GPHN: variants seen among roughly 807,000 people sequenced by gnomAD.
GPHN encodes gephyrin.
A neutral mutation model predicts 95.5 loss-of-function variants in GPHN; 17 were observed. The ratio of observed to expected loss-of-function variants is 0.18; its 90% CI spans 0.12 to 0.27. GPHN has a LOEUF of 0.27. GPHN is among the 10% of genes least tolerant of loss of function. The pLI, the probability that GPHN is intolerant of heterozygous loss-of-function variation, is 1.00. For missense variants in GPHN, 660 were observed against 978.1 expected, an observed-to-expected ratio of 0.67 and a Z score of 4.34; for synonymous variants, 320 against 322.5, an observed-to-expected ratio of 0.99 and a Z score of 0.08.
chr14:66,567,196 G>A (rs1399709485), intron 1 of GPHN, among the ~76,000 whole-genome samples: 1 of 152,154 alleles, frequency 6.6e-6, no homozygotes, highest in Admixed American at 6.5e-5. Context: ...AGAATTTTGA[G>A]CATATAGAGT....
At chr14:67,391,269 ATATGTGTGTGTGTGTGTGTG>A in the GPHN span, among the ~76,000 whole-genome samples, 1 of 139,568 alleles carries the variant, frequency 7.2e-6, no homozygotes, top group African/African-American at 2.9e-5. Flanking sequence ...TAAGCAGCTG[ATATGTGTGTGTGTGTGTGTG>A]TGTGTGTGTG....
chr14:66,561,493 C>G (rs2060241409), intron 1 of GPHN, among the ~76,000 whole-genome samples: 1 of 152,042 alleles, frequency 6.6e-6, no homozygotes, highest in African/African-American at 2.4e-5. Flanking sequence ...CTAAAATTGC[C>G]ATTTTATTTC....
chr14:67,395,583 G>A, the GPHN span: 10 of 1,613,954 alleles, frequency 6.2e-6, no homozygotes, highest in Non-Finnish European at 8.5e-6. Context: ...TTAATGAGGA[G>A]CTGTGGGAAG....
chr14:67,655,526 A>AC, the GPHN span, among the ~76,000 whole-genome samples: 1 of 149,466 alleles, frequency 6.7e-6, no homozygotes, highest in African/African-American at 2.5e-5. Flanking sequence ...TTTCCCTATT[A>AC]CTTTTTTTTT....
downstream of GPHN, among the ~76,000 whole-genome samples, chr14:67,181,956 A>G (rs1041177722): frequency 2.6e-5 from 4 of 152,318 alleles, no homozygotes; most frequent in Admixed American, 6.5e-5. Flanking sequence ...ATATGTGGGG[A>G]AAAATGTGAT....
intron 2 of GPHN, among the ~76,000 whole-genome samples, chr14:66,691,186 A>ATTT (rs111841466): frequency 2.0e-5 from 3 of 146,948 alleles, no homozygotes; most frequent in Non-Finnish European, 4.5e-5. Flanking sequence ...TACAATTTTT[A>ATTT]TTTTTTTTTT....
At chr14:67,280,285 G>A in the GPHN span, among the ~76,000 whole-genome samples, 9 of 152,294 alleles carry the variant, frequency 5.9e-5, no homozygotes, top group East Asian at 1.7e-3. Context: ...CTTCTTGCAC[G>A]TGCACATACA....
chr14:67,490,975 C>T, the GPHN span, among the ~76,000 whole-genome samples: 1 of 152,190 alleles, frequency 6.6e-6, no homozygotes, highest in Non-Finnish European at 1.5e-5. Flanking sequence ...TTCATTTAAA[C>T]TCTGATGCTA....
At chr14:66,531,417 A>T (rs1353022801) in intron 1 of GPHN, among the ~76,000 whole-genome samples, 2 of 152,148 alleles carry the variant, frequency 1.3e-5, no homozygotes, top group Non-Finnish European at 2.9e-5. Flanking sequence ...CCTGGGCTAC[A>T]AGAGTTAAAC....
chr14:67,077,243 A>T (rs555043211), intron 11 of GPHN, among the ~76,000 whole-genome samples: 19 of 152,160 alleles, frequency 1.2e-4, no homozygotes, highest in African/African-American at 4.3e-4. Context: ...TGGTCTGTTG[A>T]TATGTAGTAC....
chr14:67,690,883 C>T, the GPHN span: 1 of 477,562 alleles, frequency 2.1e-6, no homozygotes, highest in Non-Finnish European at 3.8e-6. Flanking sequence ...GAAAGCAACA[C>T]AGTCCCCTAA....
chr14:66,793,758 T>A (rs1178089125), intron 3 of GPHN, among the ~76,000 whole-genome samples: 1 of 152,058 alleles, frequency 6.6e-6, no homozygotes, highest in Non-Finnish European at 1.5e-5. Flanking sequence ...CGTAAAACCC[T>A]AGAGCAACGA....
At chr14:67,524,035 G>A in the GPHN span, among the ~76,000 whole-genome samples, 2 of 152,178 alleles carry the variant, frequency 1.3e-5, no homozygotes, top group Non-Finnish European at 2.9e-5. Flanking sequence ...GAGTGGATAG[G>A]CTAAGAAAGG....
intron 1 of GPHN, among the ~76,000 whole-genome samples, chr14:66,584,075 G>T (rs931719589): frequency 6.6e-6 from 1 of 152,044 alleles, no homozygotes; most frequent in African/African-American, 2.4e-5. Context: ...GCAGTGGTTT[G>T]TAGTTCTCCT....
intron 3 of GPHN, among the ~76,000 whole-genome samples, chr14:66,818,465 G>A (rs2061065698): frequency 6.6e-6 from 1 of 152,144 alleles, no homozygotes; most frequent in African/African-American, 2.4e-5. Flanking sequence ...GTATTGCATG[G>A]AGCATAGGTA....
At chr14:67,663,131 T>C in the GPHN span, 14 of 1,527,638 alleles carry the variant, frequency 9.2e-6, no homozygotes, top group Non-Finnish European at 1.1e-5. Flanking sequence ...CCTTTCAGCC[T>C]TTCCCATTCT....
At chr14:67,133,602 A>G (rs1466986357) in intron 17 of GPHN, among the ~76,000 whole-genome samples, 4 of 152,274 alleles carry the variant, frequency 2.6e-5, no homozygotes, top group Admixed American at 1.3e-4. Flanking sequence ...TTGCTTTGGA[A>G]TTGAGCCCCC....
At chr14:66,562,066 T>C (rs1210994683) in intron 1 of GPHN, among the ~76,000 whole-genome samples, 2 of 152,158 alleles carry the variant, frequency 1.3e-5, no homozygotes, top group Non-Finnish European at 2.9e-5. Context: ...GTGATGAGAT[T>C]GGGCCAACAC....
At chr14:66,682,800 A>G (rs1161332250) in intron 2 of GPHN, among the ~76,000 whole-genome samples, 1 of 152,214 alleles carries the variant, frequency 6.6e-6, no homozygotes, top group South Asian at 2.1e-4. Flanking sequence ...TAGTAAAATA[A>G]GAATGTATGT....
Sources: gnomAD v4.1 joint callset for allele counts (sites outside exome capture counted in the v4.1 genomes callset) on GRCh38, gnomAD v4.1.1 for gene constraint, MANE v1.5 for transcripts, NCBI Gene and HGNC (gene_info 2026-07-23, HGNC 2026-07-21) for gene names.